ITGA9: variants seen among roughly 807,000 people sequenced by gnomAD.
ITGA9 encodes integrin alpha-9.
Under a neutral mutation model 127.8 loss-of-function variants are expected in ITGA9, and 56 were observed. The observed-to-expected ratio is 0.44, with a 90% CI of 0.35 to 0.55. The LOEUF is 0.55. ITGA9 is among the 20% of genes least tolerant of loss of function. The probability of loss-of-function intolerance (pLI) is 0.00; values close to 1 mark genes in which losing one functional copy is unlikely to be tolerated. For missense variants in ITGA9, 1,196 were observed against 1,347.1 expected (o/e 0.89, Z 1.76); for synonymous variants, 508 against 514.5 (o/e 0.99, Z 0.17).
At chr3:37,617,087 G>T (rs2125629193) in intron 15 of ITGA9, among the ~76,000 whole-genome samples, 1 of 152,326 alleles carries the variant, frequency 6.6e-6, no homozygotes, top group East Asian at 1.9e-4. Context: ...GCATGTTTTT[G>T]CAGTGGCTGG....
chr3:37,655,047 G>A (rs1340789919), intron 17 of ITGA9, among the ~76,000 whole-genome samples: 1 of 152,118 alleles, frequency 6.6e-6, no homozygotes, highest in African/African-American at 2.4e-5. Flanking sequence ...GCTGCATAGT[G>A]TTCTATGGTG....
At chr3:37,665,161 G>A (rs980591524) in intron 17 of ITGA9, among the ~76,000 whole-genome samples, 4 of 151,638 alleles carry the variant, frequency 2.6e-5, no homozygotes, top group Admixed American at 6.6e-5. Context: ...TTTTAGTAGA[G>A]ATGGGGTTTC....
At chr3:37,641,099 G>A (rs934369216) in intron 16 of ITGA9, among the ~76,000 whole-genome samples, 5 of 152,070 alleles carry the variant, frequency 3.3e-5, no homozygotes, top group African/African-American at 4.8e-5. Context: ...CCGGTGGGAC[G>A]CAATGGCACC....
At chr3:37,511,789 C>T (rs1340112967) in intron 8 of ITGA9, among the ~76,000 whole-genome samples, 2 of 152,184 alleles carry the variant, frequency 1.3e-5, no homozygotes, top group Non-Finnish European at 2.9e-5. Context: ...CAAAGCCCTC[C>T]TGTGACCCTG....
intron 26 of ITGA9, among the ~76,000 whole-genome samples, chr3:37,795,521 GC>G (rs1697161176): frequency 6.6e-6 from 1 of 152,230 alleles, no homozygotes. Flanking sequence ...CAGGCAGGGT[GC>G]CAGTGTCTGG....
intron 23 of ITGA9, among the ~76,000 whole-genome samples, chr3:37,768,356 C>T (rs1404321778): frequency 1.3e-5 from 2 of 152,174 alleles, no homozygotes; most frequent in Non-Finnish European, 2.9e-5. Context: ...TGTATGACTA[C>T]TATCTTTATT....
At position 37,683,951 on chromosome 3, in the gene ITGA9, C is replaced by T. The variant is rs1281616531; in HGVS notation, c.2003C>T (p.Ala668Val). The T allele has an allele frequency of 6.2e-7, 1 of 1,613,580 alleles. No homozygotes were observed. Among genetic ancestry groups the T allele is most frequent in the Non-Finnish European group, 8.5e-7 (1 of 1,179,654 alleles). ...TCTATCTCCAACCTCGGAGATGATG[C>T]CTATGATGCCAACGTGTCCTTCAAT... Reference protein sequence around the residue: ...NISISNLGDDAYDANVSFNVS... With the variant: ...NISISNLGDDVYDANVSFNVS... Residue 668 changes from alanine (A) to valine (V), a missense_variant, in exon 18 of 28, where the codon GCC (alanine) becomes GTC (valine). Physicochemically the swap from Ala to Val is moderately conservative, Grantham distance 64 (BLOSUM62 0). Coordinates refer to ENST00000264741, the MANE Select transcript of ITGA9 (RefSeq NM_002207.3).
intron 7 of ITGA9, among the ~76,000 whole-genome samples, chr3:37,508,115 A>G (rs1477910650): frequency 6.6e-6 from 1 of 152,220 alleles, no homozygotes; most frequent in Non-Finnish European, 1.5e-5. Context: ...TGCTTTGTCT[A>G]CAGTACTCAT....
At chr3:37,707,379 G>C (rs1246566563) in intron 18 of ITGA9, among the ~76,000 whole-genome samples, 1 of 152,192 alleles carries the variant, frequency 6.6e-6, no homozygotes, top group Non-Finnish European at 1.5e-5. Context: ...ATATTTATTT[G>C]AAGACGTTTA....
At position 37,732,742 on chromosome 3, in the gene ITGA9, G is replaced by T; in HGVS notation, c.2098G>T (p.Glu700Ter). The T allele has an allele frequency of 6.2e-7, 1 of 1,611,226 alleles. No homozygotes were observed. Among genetic ancestry groups the T allele is most frequent in the South Asian group, 1.1e-5 (1 of 89,710 alleles). ...EEMGISCELL[E>*]SDFLKCSVGF... Reference sequence around the variant, plus strand: ...GATGGGCATCTCCTGTGAGCTGCTGGAATCGGACTTCCTCAAATGCAGCGT... The same window carrying T: ...GATGGGCATCTCCTGTGAGCTGCTGTAATCGGACTTCCTCAAATGCAGCGT... Residue 700 changes from glutamate (E) to a stop codon, truncating the protein, a stop_gained, in exon 19 of 28, where the codon GAA becomes TAA. Coordinates refer to ENST00000264741, the MANE Select transcript of ITGA9 (RefSeq NM_002207.3). LOFTEE classifies it high-confidence loss of function.
chr3:37,526,041 C>T lies in ITGA9; in HGVS notation c.1343C>T (p.Ala448Val). The T allele has an allele frequency of 1.9e-6, 3 of 1,614,010 alleles. No homozygotes were observed. Among genetic ancestry groups the T allele is most frequent in the South Asian group, 1.1e-5 (1 of 91,072 alleles). Residue 448 changes from alanine to valine, a missense_variant, in exon 13 of 28, where the codon GCC becomes GTC. Transcript: ENST00000264741. ...GNGYPDVTVG[A>V]FMSDSVVLLR... ...TCATTTTCAGATGTCACTGTTGGAG[C>T]CTTCATGTCCGACAGCGTGGTTCTT...
chr3:37,518,575 C>T (rs1699010794), intron 10 of ITGA9, among the ~76,000 whole-genome samples: 1 of 151,962 alleles, frequency 6.6e-6, no homozygotes, highest in South Asian at 2.1e-4. Flanking sequence ...AGGAATGGTC[C>T]TTTATCCAGG....
At chr3:37,615,644 G>T (rs1029952721) in intron 15 of ITGA9, among the ~76,000 whole-genome samples, 2 of 152,128 alleles carry the variant, frequency 1.3e-5, no homozygotes, top group East Asian at 1.9e-4. Flanking sequence ...CAATTTCAGA[G>T]CCTGTTATTG....
At chr3:37,666,974 T>C (rs1700592204) in intron 17 of ITGA9, among the ~76,000 whole-genome samples, 1 of 152,166 alleles carries the variant, frequency 6.6e-6, no homozygotes, top group African/African-American at 2.4e-5. Context: ...TGGGGACAGT[T>C]AGCTCCCTGG....
At chr3:37,533,008 G>A (rs964275306) in intron 13 of ITGA9, among the ~76,000 whole-genome samples, 3 of 152,094 alleles carry the variant, frequency 2.0e-5, no homozygotes, top group African/African-American at 7.2e-5. Flanking sequence ...TACTTAATTG[G>A]TAAAATTTTA....
intron 17 of ITGA9, among the ~76,000 whole-genome samples, chr3:37,674,281 A>G (rs1700662130): frequency 6.6e-6 from 1 of 152,238 alleles, no homozygotes; most frequent in Non-Finnish European, 1.5e-5. Context: ...TTAACTGTAA[A>G]AGCTCCCAGC....
At chr3:37,681,272 C>G (rs1700731951) in intron 17 of ITGA9, among the ~76,000 whole-genome samples, 1 of 152,160 alleles carries the variant, frequency 6.6e-6, no homozygotes, top group South Asian at 2.1e-4. Context: ...GGCTGGGGAA[C>G]CAACACAGGC....
At chr3:37,732,148 C>T (rs919409714) in intron 18 of ITGA9, among the ~76,000 whole-genome samples, 2 of 152,166 alleles carry the variant, frequency 1.3e-5, no homozygotes, top group African/African-American at 4.8e-5. Context: ...TCTCTCAAGT[C>T]GCTGTGTGCA....
chr3:37,598,880 C>T (rs113255346), intron 15 of ITGA9, among the ~76,000 whole-genome samples: 116 of 152,214 alleles, frequency 7.6e-4, no homozygotes, highest in African/African-American at 2.6e-3. Flanking sequence ...TTAAAGGATC[C>T]GTGGGTTTGT....
Sources: gnomAD v4.1 joint callset for allele counts (sites outside exome capture counted in the v4.1 genomes callset) on GRCh38, gnomAD v4.1.1 for gene constraint, MANE v1.5 for transcripts, NCBI Gene and HGNC (gene_info 2026-07-23, HGNC 2026-07-21) for gene names.